The following SYNE1 variants were observed in gnomAD, a reference collection of about 807,000 sequenced individuals.
SYNE1 encodes the protein nesprin-1.
Under a neutral mutation model 1,111.0 loss-of-function variants are expected in SYNE1, and 616 were observed. The observed-to-expected ratio is 0.55, with a 90% confidence interval of 0.52 to 0.59. The LOEUF is 0.59. SYNE1 is among the 20% of genes least tolerant of loss of function. The pLI, the probability that SYNE1 is intolerant of heterozygous loss-of-function variation, is 0.00. For missense variants in SYNE1, 10,006 were observed against 10,417.0 expected, an observed-to-expected ratio of 0.96 and a Z score of 1.72; for synonymous variants, 3,855 against 3,825.8, an observed-to-expected ratio of 1.01 and a Z score of -0.28.
rs1318930837 is a variant in SYNE1 at position 152,187,726 on chromosome 6, T to TGA, written c.23301+1525_23301+1526insTC. ...CTTAAATCTTTATACAGTTTGTGTG[T>TGA]GTGAGAGAGAGAGAGAGAGATGGAG... is the stretch of plus-strand genomic sequence containing the variant. On this transcript the variant is annotated intron_variant, in intron 128 of 145. Coordinates refer to ENST00000367255, the MANE Select transcript of SYNE1 (RefSeq NM_182961.4). Among the ~76,000 whole-genome samples the TGA allele has an allele frequency of 4.0e-5, 6 of 149,218 alleles. No individual in the cohort carries two copies. The East Asian group carries it at 6.4e-4, about 16-fold the overall frequency.
At chr6:152,279,277 C>CA (rs201858581) in intron 97 of SYNE1, among the ~76,000 whole-genome samples, 13 of 138,670 alleles carry the variant, frequency 9.4e-5, no homozygotes, top group East Asian at 4.1e-4. Flanking sequence ...AAAAAAAAAA[C>CA]AAAAAAAAGT....
At chr6:152,253,537 G>A (rs1442285921) in intron 104 of SYNE1, among the ~76,000 whole-genome samples, 2 of 152,126 alleles carry the variant, frequency 1.3e-5, no homozygotes. Flanking sequence ...TGACAAAGCC[G>A]GAATTTGAAC....
Position 152,462,783 on chromosome 6 carries a change from T to G in SYNE1, c.2205A>C (p.Leu735Phe). The G allele has an allele frequency of 6.2e-7, 1 of 1,614,048 alleles. No homozygotes were observed. The highest frequency in any genetic ancestry group is 8.5e-7 in the Non-Finnish European group (1 of 1,179,938). The change falls in exon 20 of 146, where the codon TTA becomes TTC. Residue 735 changes from leucine (L) to phenylalanine (F), a missense_variant. Physicochemically the swap from Leu to Phe is conservative, Grantham distance 22. Transcript: ENST00000367255. ...TEAHKKLSEP[L>F]EVSFMNVKLL... Reference sequence around the variant, plus strand: ...GCTTGACATTCATAAAAGAGACTTCTAAGGGTTCAGAAAGTTTCTTATGGG... The same window carrying G: ...GCTTGACATTCATAAAAGAGACTTCGAAGGGTTCAGAAAGTTTCTTATGGG...
rs1190584714 is a variant in SYNE1, at chr6:152,471,744, T to C, written c.1485A>G (p.Thr495=). Residue 495 remains threonine, a synonymous_variant, in exon 16 of 146, where the codon ACA becomes ACG. Coordinates refer to ENST00000367255, the MANE Select transcript of SYNE1 (RefSeq NM_182961.4). Reference sequence around the variant, plus strand: ...CCATTTTCATTAGGTGTAGCTCTGATGTGGAGGAAACAAAATGAAACCTAG... The same window carrying C: ...CCATTTTCATTAGGTGTAGCTCTGACGTGGAGGAAACAAAATGAAACCTAG... ...MAERFHFVSS[T]SELHLMKMEF... 6.2e-7 allele frequency: 1 copy of C among 1,613,782 alleles called. No homozygotes were observed. Among genetic ancestry groups the C allele is most frequent in the Admixed American group, 1.7e-5 (1 of 60,008 alleles).
chr6:152,634,815 A>G (rs892253178), intron 2 of SYNE1, among the ~76,000 whole-genome samples: 2 of 152,258 alleles, frequency 1.3e-5, no homozygotes, highest in African/African-American at 4.8e-5. Context: ...CCCTTGCTAC[A>G]GTATATTGCA....
At chr6:152,618,998 T>C (rs1309901643) in intron 3 of SYNE1, among the ~76,000 whole-genome samples, 1 of 151,920 alleles carries the variant, frequency 6.6e-6, no homozygotes, top group African/African-American at 2.4e-5. Flanking sequence ...TTAATTAAAC[T>C]ACAGACTGTC....
chr6:152,570,668 C>T (rs1180710383), intron 3 of SYNE1, among the ~76,000 whole-genome samples: 1 of 152,124 alleles, frequency 6.6e-6, no homozygotes, highest in Non-Finnish European at 1.5e-5. Flanking sequence ...CACCAGGAAG[C>T]GGGTCTTGCA....
chr6:152,335,383 A>G (rs2153985365), intron 76 of SYNE1: 1 of 152,356 alleles, frequency 6.6e-6, no homozygotes. Context: ...TGTGATTTAA[A>G]TTTGCTTATT....
intron 108 of SYNE1, among the ~76,000 whole-genome samples, chr6:152,237,466 C>T (rs1331860916): frequency 2.0e-5 from 3 of 151,542 alleles, no homozygotes; most frequent in Non-Finnish European, 4.4e-5. Flanking sequence ...CATTCCACCA[C>T]ACCAGGCTAA....
At chr6:152,133,595 A>G in intron 142 of SYNE1, 107 bp from the exon 143 acceptor site, 3 of 1,112,658 alleles carry the variant, frequency 2.7e-6, no homozygotes, top group Admixed American at 4.0e-5. Context: ...ATTATACCTG[A>G]GCATCAAACG....
chr6:152,533,240 C>G (rs1269372621), intron 4 of SYNE1, among the ~76,000 whole-genome samples: 1 of 151,786 alleles, frequency 6.6e-6, no homozygotes, highest in Non-Finnish European at 1.5e-5. Context: ...TGGGAAGGTC[C>G]TTCCCATTCT....
intron 144 of SYNE1, 68 bp downstream of exon 144, chr6:152,132,054 G>A (rs1468670085): frequency 4.8e-6 from 7 of 1,444,022 alleles, no homozygotes; most frequent in Non-Finnish European, 6.8e-6. Context: ...CCTGTGGTGG[G>A]TGCAAATACT....
At chr6:152,411,473 T>G (rs942290153) in intron 42 of SYNE1, among the ~76,000 whole-genome samples, 47 of 152,138 alleles carry the variant, frequency 3.1e-4, no homozygotes, top group Admixed American at 2.6e-3. Context: ...CTTGTCAATT[T>G]CTACAAAAAG....
At chr6:152,534,194 GAATGAATGAATA>G (rs1433315297) in intron 4 of SYNE1, among the ~76,000 whole-genome samples, 126 of 141,516 alleles carry the variant, frequency 8.9e-4, no homozygotes, top group Middle Eastern at 3.7e-3. Flanking sequence ...ATGAATGAAT[GAATGAATGAATA>G]AATAAATAAA....
intron 30 of SYNE1, among the ~76,000 whole-genome samples, chr6:152,444,114 C>T (rs542634561): frequency 2.0e-5 from 3 of 152,334 alleles, no homozygotes; most frequent in South Asian, 4.1e-4. Context: ...GAATCTAGCA[C>T]GTTTTGTGCA....
chr6:152,430,853 C>CATGTGTTT, intron 34 of SYNE1, 144 bp from the exon 35 acceptor site: 1 of 811,534 alleles, frequency 1.2e-6, no homozygotes. Context: ...GAGCAAACAC[C>CATGTGTTT]ATGTGTTTGG....
intron 3 of SYNE1, among the ~76,000 whole-genome samples, chr6:152,597,132 G>A (rs777391200): frequency 6.6e-6 from 1 of 152,192 alleles, no homozygotes; most frequent in African/African-American, 2.4e-5. Context: ...GGAGGCTCTA[G>A]ATATTTTAGT....
chr6:152,208,118 T>G lies in SYNE1; in HGVS notation c.22678A>C (p.Ser7560Arg). 6.2e-7 allele frequency: 1 copy of G among 1,614,132 alleles called. No individual in the cohort carries two copies. The highest frequency in any genetic ancestry group is 1.3e-5 in the African/African-American group (1 of 75,036). Residue 7560 changes from serine to arginine, a missense_variant, in exon 125 of 146, where the codon AGC becomes CGC. By Grantham distance (110) the Ser-to-Arg change is moderately radical (BLOSUM62 -1). Coordinates refer to ENST00000367255, the MANE Select transcript of SYNE1 (RefSeq NM_182961.4). ...RAQQRRGIID[S>R]QIRQWQRYRE... Reference sequence around the variant, plus strand: ...TAGCGCTGCCACTGGCGAATCTGGCTGTCAATGATCCCCCGCCTCTGCTGG... The same window carrying G: ...TAGCGCTGCCACTGGCGAATCTGGCGGTCAATGATCCCCCGCCTCTGCTGG...
At chr6:152,164,443 G>T in intron 130 of SYNE1, 118 bp from the exon 131 acceptor site, 1 of 1,212,616 alleles carries the variant, frequency 8.2e-7, no homozygotes, top group Non-Finnish European at 1.2e-6. Context: ...AGAAACTCAT[G>T]TGGAAGAAGC....
Sources: allele counts gnomAD v4.1 joint callset (sites outside exome capture counted in the v4.1 genomes callset), GRCh38; gene constraint gnomAD v4.1.1; transcripts MANE v1.5; gene names NCBI Gene and HGNC (gene_info 2026-07-23, HGNC 2026-07-21).